The following NSMCE2 variants were observed in gnomAD, a reference collection of about 807,000 sequenced individuals.
NSMCE2 encodes the protein NSE2 SUMO ligase component of SMC5/6 complex, also known as E3 SUMO-protein ligase NSE2.
Under a neutral mutation model 23.8 loss-of-function variants are expected in NSMCE2, and 24 were observed. The ratio of observed to expected loss-of-function variants is 1.01; its 90% CI spans 0.73 to 1.42. The LOEUF (loss-of-function observed/expected upper bound fraction) is 1.42, where lower values mean the gene tolerates loss of function less well. NSMCE2 is among the 40% of genes most tolerant of loss of function. NSMCE2 has a pLI of 0.00. For synonymous variants in NSMCE2, 92 were observed against 94.1 expected (o/e 0.98, Z 0.13); for missense variants, 284 against 296.5 (o/e 0.96, Z 0.31).
intron 5 of NSMCE2, among the ~76,000 whole-genome samples, chr8:125,245,409 T>G (rs1825916950): frequency 6.6e-6 from 1 of 152,080 alleles, no homozygotes; most frequent in African/African-American, 2.4e-5. Flanking sequence ...AAAAAGAAAC[T>G]TATCTATAAC....
chr8:125,282,704 A>G (rs781158226), intron 5 of NSMCE2, among the ~76,000 whole-genome samples: 6 of 152,242 alleles, frequency 3.9e-5, no homozygotes, highest in Non-Finnish European at 2.9e-5. Context: ...TTGTCTGTGT[A>G]TAATATACTG....
chr8:125,194,415 A>G (rs1407455322), intron 5 of NSMCE2, among the ~76,000 whole-genome samples: 3 of 152,142 alleles, frequency 2.0e-5, no homozygotes, highest in Admixed American at 6.6e-5. Flanking sequence ...CAGTATTGCT[A>G]GTTATCTGCA....
chr8:125,357,338 T>TC lies in NSMCE2; in HGVS notation c.519+23dup, dbSNP rs770294191. The TC allele has an allele frequency of 6.8e-7, 1 of 1,474,204 alleles. No individual in the cohort carries two copies. The highest frequency in any genetic ancestry group is 1.1e-5 in the South Asian group (1 of 88,232). 91.3% of individuals were successfully genotyped at this position (1,474,204 alleles called of 1,614,324 possible). A position where few individuals can be genotyped will look rare whatever the true frequency, so the allele number is the denominator to read the frequency against. ...TACAAAGGTACCGCTTCCTCCTACTTCCCCTGAAAGAAACACGATTCACTT... is the reference window on the plus strand; with the variant it reads ...TACAAAGGTACCGCTTCCTCCTACTTCCCCCTGAAAGAAACACGATTCACTT... On this transcript the variant is annotated intron_variant, in intron 6 of 7. Coordinates refer to ENST00000287437, the MANE Select transcript of NSMCE2 (RefSeq NM_173685.4).
intron 3 of NSMCE2, among the ~76,000 whole-genome samples, chr8:125,110,868 C>T (rs760124319): frequency 7.2e-6 from 1 of 139,592 alleles, no homozygotes; most frequent in Admixed American, 8.0e-5. Flanking sequence ...TCATGGAGGT[C>T]ATGTATGGTC....
intron 1 of NSMCE2, among the ~76,000 whole-genome samples, chr8:125,095,543 T>C (rs1180741833): frequency 6.6e-6 from 1 of 151,982 alleles, no homozygotes; most frequent in East Asian, 1.9e-4. Flanking sequence ...GTAGCGAGCA[T>C]GATCATGTCA....
chr8:125,283,264 T>C (rs1827762973), intron 5 of NSMCE2, among the ~76,000 whole-genome samples: 1 of 152,216 alleles, frequency 6.6e-6, no homozygotes, highest in Non-Finnish European at 1.5e-5. Context: ...TCAGGAGATC[T>C]GGGGCTAGGC....
At chr8:125,225,840 G>A (rs191879357) in intron 5 of NSMCE2, among the ~76,000 whole-genome samples, 1 of 152,174 alleles carries the variant, frequency 6.6e-6, no homozygotes, top group Non-Finnish European at 1.5e-5. Context: ...GTTTGATGAG[G>A]TGTAAAATAA....
intron 5 of NSMCE2, among the ~76,000 whole-genome samples, chr8:125,309,718 A>G (rs941281355): frequency 4.0e-5 from 6 of 151,122 alleles, no homozygotes; most frequent in South Asian, 2.1e-4. Flanking sequence ...AGTGAGACCC[A>G]GTCTCAAAAA....
At chr8:125,114,360 G>A (rs1449073178) in intron 3 of NSMCE2, among the ~76,000 whole-genome samples, 2 of 152,248 alleles carry the variant, frequency 1.3e-5, no homozygotes, top group East Asian at 1.9e-4. Flanking sequence ...TACACAGTAA[G>A]CACTCAATAA....
At chr8:125,319,985 G>C (rs914706350) in intron 5 of NSMCE2, among the ~76,000 whole-genome samples, 2 of 151,966 alleles carry the variant, frequency 1.3e-5, no homozygotes, top group Admixed American at 6.6e-5. Flanking sequence ...AGACCAGCCT[G>C]ACCAACATGG....
At chr8:125,173,923 A>C (rs1822347853) in intron 4 of NSMCE2, among the ~76,000 whole-genome samples, 2 of 152,198 alleles carry the variant, frequency 1.3e-5, no homozygotes, top group African/African-American at 4.8e-5. Flanking sequence ...ATATCTGTGA[A>C]ATTGGGATAA....
At chr8:125,316,756 C>G (rs1159423716) in intron 5 of NSMCE2, among the ~76,000 whole-genome samples, 1 of 136,124 alleles carries the variant, frequency 7.3e-6, no homozygotes, top group Non-Finnish European at 1.5e-5. Context: ...TCCTTCCTTC[C>G]TTCCTTCCTT....
chr8:125,198,236 T>A (rs1412590680), intron 5 of NSMCE2, among the ~76,000 whole-genome samples: 1 of 151,872 alleles, frequency 6.6e-6, no homozygotes, highest in Non-Finnish European at 1.5e-5. Flanking sequence ...TGAATAGGAG[T>A]GGTGAGAGAG....
At chr8:125,161,967 T>C (rs1821651742) in intron 4 of NSMCE2, among the ~76,000 whole-genome samples, 1 of 152,128 alleles carries the variant, frequency 6.6e-6, no homozygotes, top group Non-Finnish European at 1.5e-5. Context: ...TTTGTGGTTC[T>C]TGGAGTGCTG....
chr8:125,189,945 C>T (rs1280277866), intron 5 of NSMCE2, among the ~76,000 whole-genome samples: 1 of 152,170 alleles, frequency 6.6e-6, no homozygotes, highest in Non-Finnish European at 1.5e-5. Context: ...GCTGGCTCTT[C>T]TATGGTTTTA....
At chr8:125,342,772 T>TGA (rs2131330167) in intron 5 of NSMCE2, among the ~76,000 whole-genome samples, 1 of 152,320 alleles carries the variant, frequency 6.6e-6, no homozygotes, top group African/African-American at 2.4e-5. Context: ...TCATCACAGA[T>TGA]GAGTGTTCCT....
intron 5 of NSMCE2, among the ~76,000 whole-genome samples, chr8:125,223,158 C>T (rs1824944617): frequency 6.6e-6 from 1 of 151,756 alleles, no homozygotes; most frequent in Non-Finnish European, 1.5e-5. Context: ...GAGTTTGAGA[C>T]CAACCTGAGC....
rs562968152 is a variant in NSMCE2 at position 125,217,409 on chromosome 8, G to A, written c.418+35153G>A. Among the ~76,000 whole-genome samples the A allele has an allele frequency of 2.0e-5, 3 of 152,102 alleles. No individual in the cohort carries two copies. The East Asian group carries it at 5.8e-4, about 29-fold the overall frequency. On this transcript the variant is annotated intron_variant, in intron 5 of 7. Coordinates refer to ENST00000287437, the MANE Select transcript of NSMCE2 (RefSeq NM_173685.4). Reference sequence around the variant, plus strand: ...GGAGTCTTGCTGTGTCACCCAGGCTGAAGTGCAGTGGCATGATCTCAGCTC... The same window carrying A: ...GGAGTCTTGCTGTGTCACCCAGGCTAAAGTGCAGTGGCATGATCTCAGCTC...
chr8:125,215,783 A>C (rs1391701600), intron 5 of NSMCE2, among the ~76,000 whole-genome samples: 1 of 152,200 alleles, frequency 6.6e-6, no homozygotes, highest in African/African-American at 2.4e-5. Context: ...ACCATTTATT[A>C]AATCGGGTTC....
Sources: gnomAD v4.1 joint callset for allele counts (sites outside exome capture counted in the v4.1 genomes callset) on GRCh38, gnomAD v4.1.1 for gene constraint, MANE v1.5 for transcripts, NCBI Gene and HGNC (gene_info 2026-07-23, HGNC 2026-07-21) for gene names.